The following SPAG17 variants were observed in gnomAD, a reference collection of about 807,000 sequenced individuals.
SPAG17 encodes the protein sperm-associated antigen 17.
Under a neutral mutation model 273.6 loss-of-function variants are expected in SPAG17, and 169 were observed. The observed-to-expected ratio is 0.62, with a 90% confidence interval of 0.55 to 0.70. The LOEUF is 0.70. Ranked by LOEUF, SPAG17 falls within the 30% of genes least tolerant of loss-of-function variation. The pLI is 0.00. For synonymous variants in SPAG17, 825 were observed against 873.2 expected, an observed-to-expected ratio of 0.94 and a Z score of 0.97; for missense variants, 2,557 against 2,627.8, an observed-to-expected ratio of 0.97 and a Z score of 0.59.
At chr1:117,985,209 G>A (rs1242388634) in intron 40 of SPAG17, among the ~76,000 whole-genome samples, 1 of 152,164 alleles carries the variant, frequency 6.6e-6, no homozygotes, top group Non-Finnish European at 1.5e-5. Flanking sequence ...AAAACTTGAG[G>A]CATGATTTGT....
Position 118,101,806 on chromosome 1 carries a change from C to A in SPAG17, c.568G>T (p.Ala190Ser), listed in dbSNP as rs376983383. ...GKGKDQPEAN[A>S]PVKKTTQLKR... The stretch of plus-strand genomic sequence containing the variant: ...AACTGGGTGGTCTTTTTCACTGGTG[C>A]ATTTGCCTCAGGCTGATCCTTTCCC... Residue 190 changes from alanine (A) to serine (S), a missense_variant, in exon 5 of 49, where the codon GCA becomes TCA. Coordinates refer to ENST00000336338, the MANE Select transcript of SPAG17 (RefSeq NM_206996.4). 1 of 1,613,870 alleles carries A rather than the reference C, an allele frequency of 6.2e-7. No individual in the cohort carries two copies. Among genetic ancestry groups the A allele is most frequent in the Non-Finnish European group, 8.5e-7 (1 of 1,179,932 alleles).
chr1:118,038,575 T>G (rs576080828), intron 23 of SPAG17, among the ~76,000 whole-genome samples: 1 of 152,284 alleles, frequency 6.6e-6, no homozygotes, highest in Non-Finnish European at 1.5e-5. Flanking sequence ...CTAGACAATG[T>G]AATATTATTT....
intron 7 of SPAG17, among the ~76,000 whole-genome samples, chr1:118,093,754 T>C (rs1210487566): frequency 1.3e-5 from 2 of 152,206 alleles, no homozygotes; most frequent in Non-Finnish European, 2.9e-5. Flanking sequence ...CTCTGCTTTG[T>C]GGATCATCTA....
intron 1 of SPAG17, among the ~76,000 whole-genome samples, chr1:118,173,865 A>T (rs1660541377): frequency 6.6e-6 from 1 of 151,244 alleles, no homozygotes; most frequent in Non-Finnish European, 1.5e-5. Flanking sequence ...GTCTAAAAAA[A>T]AAAAAAAAAA....
chr1:118,148,607 G>A (rs1403366023), intron 3 of SPAG17, among the ~76,000 whole-genome samples: 1 of 152,148 alleles, frequency 6.6e-6, no homozygotes, highest in Non-Finnish European at 1.5e-5. Flanking sequence ...GCACTGATTG[G>A]TGCATTTACA....
intron 4 of SPAG17, among the ~76,000 whole-genome samples, chr1:118,112,845 C>T (rs1483681682): frequency 2.0e-5 from 3 of 151,808 alleles, no homozygotes; most frequent in Non-Finnish European, 4.4e-5. Flanking sequence ...TAACCATAGC[C>T]CAGTTTAAAA....
chr1:118,019,324 T>C (rs1299965100), intron 28 of SPAG17, among the ~76,000 whole-genome samples: 1 of 152,060 alleles, frequency 6.6e-6, no homozygotes, highest in African/African-American at 2.4e-5. Context: ...CAAAGAAGTG[T>C]TAGATATTAA....
chr1:118,099,979 A>G (rs1349487057), intron 5 of SPAG17, among the ~76,000 whole-genome samples, 179 bp from the exon 6 acceptor site: 1 of 152,244 alleles, frequency 6.6e-6, no homozygotes, highest in Non-Finnish European at 1.5e-5. Context: ...CCCTTCCAGT[A>G]AGACGGCTGT....
At chr1:118,171,439 A>T (rs1660413201) in intron 1 of SPAG17, among the ~76,000 whole-genome samples, 1 of 152,172 alleles carries the variant, frequency 6.6e-6, no homozygotes, top group Non-Finnish European at 1.5e-5. Flanking sequence ...GTGTCTCACA[A>T]TAGAGTATGG....
At chr1:118,085,297 G>T (rs1448244331) in intron 13 of SPAG17, among the ~76,000 whole-genome samples, 1 of 152,172 alleles carries the variant, frequency 6.6e-6, no homozygotes, top group Admixed American at 6.5e-5. Flanking sequence ...TTGATTGTGG[G>T]TGGCTGCAAC....
chr1:118,128,779 A>G (rs1203158860), intron 3 of SPAG17, among the ~76,000 whole-genome samples: 2 of 152,098 alleles, frequency 1.3e-5, no homozygotes, highest in Non-Finnish European at 2.9e-5. Flanking sequence ...GAGGTTGCTG[A>G]TTGCTCCTCC....
chr1:118,080,455 T>A (rs545750066), intron 15 of SPAG17, among the ~76,000 whole-genome samples: 57 of 152,222 alleles, frequency 3.7e-4, no homozygotes, highest in Admixed American at 2.1e-3. Flanking sequence ...GGAAAAAGGT[T>A]TTGGGAAAAG....
At chr1:118,161,431 G>A (rs1474271210) in intron 1 of SPAG17, among the ~76,000 whole-genome samples, 1 of 152,218 alleles carries the variant, frequency 6.6e-6, no homozygotes, top group Non-Finnish European at 1.5e-5. Context: ...AGATAAAATT[G>A]TGGAGGGTGG....
chr1:117,981,512 A>C (rs1571138150), intron 42 of SPAG17, 111 bp from the exon 43 acceptor site: 2 of 1,117,912 alleles, frequency 1.8e-6, no homozygotes, highest in Non-Finnish European at 2.5e-6. Flanking sequence ...TGAATGAGGT[A>C]CCTTTTCTGC....
At chr1:118,068,516 CT>C (rs1653216791) in intron 17 of SPAG17, among the ~76,000 whole-genome samples, 1 of 151,956 alleles carries the variant, frequency 6.6e-6, no homozygotes, top group Non-Finnish European at 1.5e-5. Context: ...TTTCATATTG[CT>C]TTGGGGGTGC....
intron 40 of SPAG17, 85 bp downstream of exon 40, chr1:117,987,749 T>A (rs1398821731): frequency 7.3e-7 from 1 of 1,368,878 alleles, no homozygotes; most frequent in Non-Finnish European, 1.0e-6. Context: ...TCTGGGTGCC[T>A]GGCAGGACAT....
intron 1 of SPAG17, among the ~76,000 whole-genome samples, chr1:118,158,114 T>A (rs1659740687): frequency 6.6e-6 from 1 of 152,192 alleles, no homozygotes; most frequent in Non-Finnish European, 1.5e-5. Flanking sequence ...TTTGGGTCCT[T>A]GGAAGAGAGG....
intron 16 of SPAG17, 62 bp downstream of exon 16, chr1:118,074,477 C>T: frequency 7.2e-7 from 1 of 1,390,988 alleles, no homozygotes; most frequent in Non-Finnish European, 1.0e-6. Context: ...GTTTCTTACT[C>T]CAAGTCATGG....
intron 3 of SPAG17, among the ~76,000 whole-genome samples, chr1:118,123,206 T>C (rs1022063562): frequency 6.6e-6 from 1 of 152,172 alleles, no homozygotes; most frequent in African/African-American, 2.4e-5. Context: ...CTTCATTCTT[T>C]CTGCATTTAT....
Sources: allele counts gnomAD v4.1 joint callset (sites outside exome capture counted in the v4.1 genomes callset), GRCh38; gene constraint gnomAD v4.1.1; transcripts MANE v1.5; gene names NCBI Gene and HGNC (gene_info 2026-07-23, HGNC 2026-07-21).